Variants in PAXBP1 observed in about 807,000 individuals in gnomAD.
PAXBP1 encodes PAX3- and PAX7-binding protein 1.
PAXBP1 carries 44 observed loss-of-function variants against 119.9 expected under a neutral mutation model. That is an observed-to-expected ratio of 0.37 (90% CI 0.29 to 0.47). PAXBP1 has a LOEUF of 0.47. Among genes scored for constraint, PAXBP1 ranks in the 20% least tolerant of loss-of-function variants. PAXBP1 has a pLI of 0.99. For missense variants in PAXBP1, 898 were observed against 1,134.1 expected (o/e 0.79, Z 2.99); for synonymous variants, 393 against 406.6 (o/e 0.97, Z 0.40).
At chr21:32,745,432 C>T in intron 12 of PAXBP1, 142 bp downstream of exon 12, 1 of 1,200,396 alleles carries the variant, frequency 8.3e-7, no homozygotes, top group Admixed American at 2.3e-5. Flanking sequence ...CCTCTGCCCT[C>T]TAGCCATCTC....
intron 11 of PAXBP1, 66 bp downstream of exon 11, chr21:32,748,433 C>G (rs1366976505): frequency 6.7e-7 from 1 of 1,493,018 alleles, no homozygotes; most frequent in Non-Finnish European, 9.1e-7. Context: ...ACATCTCTAG[C>G]TTTGAGATTA....
At chr21:32,755,166 A>G (rs1199431376) in intron 8 of PAXBP1, 64 bp downstream of exon 8, 4 of 1,428,588 alleles carry the variant, frequency 2.8e-6, no homozygotes, top group South Asian at 1.5e-5. Context: ...CTAATTTTCA[A>G]TTAGGCTGCA....
At chr21:32,744,607 A>T (rs529539614) in intron 13 of PAXBP1, among the ~76,000 whole-genome samples, 185 bp downstream of exon 13, 2 of 151,784 alleles carry the variant, frequency 1.3e-5, no homozygotes, top group East Asian at 2.0e-4. Context: ...GACTAGGTAT[A>T]AAAAAAAGAA....
At chr21:32,735,193 G>C in intron 17 of PAXBP1, 126 bp from the exon 18 acceptor site, 1 of 660,236 alleles carries the variant, frequency 1.5e-6, no homozygotes, top group Non-Finnish European at 2.6e-6. Flanking sequence ...TCAAAGAAAG[G>C]AAACAGATAT....
intron 6 of PAXBP1, chr21:32,759,534 T>G (rs2044103000): frequency 5.0e-6 from 3 of 603,334 alleles, no homozygotes; most frequent in Non-Finnish European, 8.6e-6. Context: ...GTCCAAGAGG[T>G]ACAAACTCAG....
chr21:32,743,874 T>C (rs958777941), intron 13 of PAXBP1, 120 bp from the exon 14 acceptor site: 1 of 609,326 alleles, frequency 1.6e-6, no homozygotes, highest in Non-Finnish European at 2.9e-6. Context: ...AATTTTTAAT[T>C]TTCCTCATTG....
Position 32,771,594 on chromosome 21 carries a change from C to T in PAXBP1, c.75G>A (p.Glu25=), listed in dbSNP as rs746464707. ...GCAACAACGGCGGCGGCTCCTGCTC[C>T]TCATCGCGTTCCCGCTCTTCCTCTT... ...DSEEEERERD[E]EQEPPPLLPP... The change falls in exon 1 of 18, where the codon GAG becomes GAA. Residue 25 remains glutamate (E), a synonymous_variant. Coordinates refer to ENST00000331923, the MANE Select transcript of PAXBP1 (RefSeq NM_016631.4). 7 of 1,465,286 alleles carry T rather than the reference C, an allele frequency of 4.8e-6. No homozygotes were observed. The African/African-American group carries it at 8.8e-5, about 18-fold the overall frequency. 90.8% of individuals were successfully genotyped at this position (1,465,286 alleles called of 1,614,324 possible).
chr21:32,764,615 T>C (rs2044209669), intron 2 of PAXBP1, 91 bp from the exon 3 acceptor site: 1 of 1,043,782 alleles, frequency 9.6e-7, no homozygotes, highest in Admixed American at 3.2e-5. Flanking sequence ...TAAAAATTTT[T>C]TTAATTAAAA....
intron 12 of PAXBP1, 68 bp from the exon 13 acceptor site, chr21:32,744,981 C>A (rs2043851582): frequency 6.7e-7 from 1 of 1,483,706 alleles, no homozygotes; most frequent in African/African-American, 1.4e-5. Flanking sequence ...TCAAGCAGAC[C>A]TCTATTAATG....
intron 15 of PAXBP1, among the ~76,000 whole-genome samples, chr21:32,738,673 C>T (rs746263807): frequency 2.1e-4 from 32 of 152,110 alleles, no homozygotes; most frequent in Non-Finnish European, 3.7e-4. Context: ...ACCCCCACCC[C>T]GCCCCGCGCT....
intron 8 of PAXBP1, among the ~76,000 whole-genome samples, chr21:32,753,546 T>G (rs1290959068): frequency 6.6e-6 from 1 of 152,204 alleles, no homozygotes; most frequent in East Asian, 1.9e-4. Flanking sequence ...CCTCCTCCAT[T>G]TCTGTAAGAA....
At chr21:32,770,442 T>A (rs1324897681) in intron 1 of PAXBP1, among the ~76,000 whole-genome samples, 1 of 152,096 alleles carries the variant, frequency 6.6e-6, no homozygotes, top group African/African-American at 2.4e-5. Context: ...AGCTCATGTA[T>A]CTCAAAAACA....
chr21:32,760,771 A>ATG (rs1482552063), intron 5 of PAXBP1, among the ~76,000 whole-genome samples: 1 of 152,150 alleles, frequency 6.6e-6, no homozygotes, highest in Non-Finnish European at 1.5e-5. Flanking sequence ...GGTAATGCTA[A>ATG]TGCTAACTGA....
At chr21:32,741,410 A>C in intron 15 of PAXBP1, 1 of 508,338 alleles carries the variant, frequency 2.0e-6, no homozygotes, top group South Asian at 3.6e-5. Context: ...CAGAATGAAG[A>C]CCCAAAGATG....
At chr21:32,764,688 A>G (rs1168633689) in intron 2 of PAXBP1, among the ~76,000 whole-genome samples, 164 bp from the exon 3 acceptor site, 1 of 152,224 alleles carries the variant, frequency 6.6e-6, no homozygotes, top group Non-Finnish European at 1.5e-5. Context: ...ATTGTTTGTT[A>G]AAAACTCATA....
chr21:32,758,717 C>A, intron 7 of PAXBP1, among the ~76,000 whole-genome samples: 1 of 145,426 alleles, frequency 6.9e-6, no homozygotes. Flanking sequence ...CTTGTAGAAA[C>A]GTTTAAAAAT....
Position 32,741,587 on chromosome 21 carries a change from G to A in PAXBP1, c.2334+1661C>T, listed in dbSNP as rs558874944. 8 of 767,438 alleles carry A rather than the reference G, an allele frequency of 1.0e-5. 1 individual carries two copies. Among genetic ancestry groups the A allele is most frequent in the Admixed American group, 8.5e-5 (5 of 58,786 alleles). The allele number at this position is 767,438 out of a possible 1,614,324, so 47.5% of individuals were successfully genotyped here. ...AGCAGCATTCTTTCCTTCTGGGTAT[G>A]GGGCAGGACCCTCTCTGGAATGGGG... On this transcript the variant is annotated intron_variant, in intron 15 of 17. Coordinates refer to ENST00000331923, the MANE Select transcript of PAXBP1 (RefSeq NM_016631.4).
In PAXBP1 at chr21:32,771,727, G is replaced by C. The variant is rs1201620363; in HGVS notation, c.-59C>G. ...TCCACACCGCGGCCCCGGCAGCGCC[G>C]AGCTCGTGACGGCGCACGCGCGCTC... On this transcript the variant is annotated 5_prime_UTR_variant, in exon 1 of 18. Transcript: ENST00000331923. 1.1e-5 allele frequency: 14 copies of C among 1,308,412 alleles called. No individual in the cohort carries two copies. The highest frequency in any genetic ancestry group is 1.2e-5 in the Non-Finnish European group (12 of 1,022,770). 81.1% of individuals were successfully genotyped at this position (1,308,412 alleles called of 1,614,324 possible).
chr21:32,747,235 C>T (rs1448799690), intron 11 of PAXBP1, among the ~76,000 whole-genome samples: 1 of 151,890 alleles, frequency 6.6e-6, no homozygotes, highest in Non-Finnish European at 1.5e-5. Flanking sequence ...AACTTAAAAG[C>T]CAAAGAAAAT....
Sources: gnomAD v4.1 joint callset for allele counts (sites outside exome capture counted in the v4.1 genomes callset) on GRCh38, gnomAD v4.1.1 for gene constraint, MANE v1.5 for transcripts, NCBI Gene and HGNC (gene_info 2026-07-23, HGNC 2026-07-21) for gene names.